Variants in PLCE1 observed in about 807,000 individuals in gnomAD.
PLCE1 encodes the protein phospholipase C epsilon 1, also known as 1-phosphatidylinositol 4,5-bisphosphate phosphodiesterase epsilon-1.
PLCE1 carries 119 observed loss-of-function variants against 242.8 expected under a neutral mutation model. The ratio of observed to expected loss-of-function variants is 0.49; its 90% CI spans 0.42 to 0.57. The LOEUF (loss-of-function observed/expected upper bound fraction) is 0.57. PLCE1 is among the 20% of genes least tolerant of loss of function. The pLI is 0.00. For missense variants in PLCE1, 2,441 were observed against 2,788.8 expected (o/e 0.88, Z 2.81); for synonymous variants, 945 against 1,017.4 (o/e 0.93, Z 1.35).
At chr10:94,120,509 A>G (rs1421817673) in intron 2 of PLCE1, among the ~76,000 whole-genome samples, 4 of 152,104 alleles carry the variant, frequency 2.6e-5, no homozygotes, top group East Asian at 3.9e-4. Context: ...GAATGTCCCT[A>G]GCTCCTCTCT....
At chr10:94,161,381 T>C (rs967447877) in intron 3 of PLCE1, among the ~76,000 whole-genome samples, 27 of 152,296 alleles carry the variant, frequency 1.8e-4, no homozygotes, top group African/African-American at 6.5e-4. Context: ...TCACATCCCT[T>C]GTAAGTTGGA....
At chr10:94,122,634 A>G (rs2046331054) in intron 2 of PLCE1, among the ~76,000 whole-genome samples, 1 of 152,138 alleles carries the variant, frequency 6.6e-6, no homozygotes, top group African/African-American at 2.4e-5. Flanking sequence ...AGAGATGAAT[A>G]GGCCCTAGAC....
At chr10:94,049,379 G>A (rs1011134138) in intron 2 of PLCE1, among the ~76,000 whole-genome samples, 1 of 152,062 alleles carries the variant, frequency 6.6e-6, no homozygotes, top group African/African-American at 2.4e-5. Context: ...GTCATTTTCT[G>A]TGTCAATATT....
chr10:94,198,642 T>C (rs897559237), intron 4 of PLCE1, among the ~76,000 whole-genome samples: 2 of 152,228 alleles, frequency 1.3e-5, no homozygotes, highest in Non-Finnish European at 2.9e-5. Flanking sequence ...CTCAAACCTC[T>C]GGGATCTGAT....
chr10:93,995,082 C>T (rs1220963455), intron 1 of PLCE1, among the ~76,000 whole-genome samples: 1 of 152,166 alleles, frequency 6.6e-6, no homozygotes, highest in African/African-American at 2.4e-5. Flanking sequence ...AGGGCCGCTG[C>T]CACAGAATGG....
At chr10:94,237,498 C>T (rs548655738) in intron 7 of PLCE1, among the ~76,000 whole-genome samples, 6 of 152,194 alleles carry the variant, frequency 3.9e-5, no homozygotes, top group Non-Finnish European at 8.8e-5. Context: ...CATTTTATCA[C>T]GTACATCCTA....
rs373001036 is a variant in PLCE1 at position 94,273,696 on chromosome 10, G to T, written c.4641G>T (p.Thr1547=). The T allele has an allele frequency of 1.2e-5, 19 of 1,613,920 alleles. No individual in the cohort carries two copies. Among genetic ancestry groups the T allele is most frequent in the Non-Finnish European group, 1.6e-5 (19 of 1,179,892 alleles). ...ACAAGAAGCTAAAAGCCCATCAGAC[G>T]CCAGTGGATATCTTAAAGCAAAAGG... ...LKNKKLKAHQ[T]PVDILKQKAH... Residue 1547 remains threonine, a synonymous_variant, in exon 19 of 33, where the codon ACG becomes ACT. Transcript: ENST00000371380.
Position 94,254,216 on chromosome 10 carries a change from T to A in PLCE1, c.3306T>A (p.Asp1102Glu). Residue 1102 changes from aspartate to glutamate, a missense_variant, in exon 10 of 33, where the codon GAT (aspartate) becomes GAA (glutamate). Asp to Glu is a conservative substitution (Grantham distance 45). This residue lies in a region of PLCE1 where 1,004 missense variants were observed against 1,322.7 expected (regional missense o/e 0.76). Coordinates refer to ENST00000371380, the MANE Select transcript of PLCE1 (RefSeq NM_016341.4). ...MRGESGEVTD[D>E]EMATRKAKMH... The stretch of plus-strand genomic sequence containing the variant: ...GTGAGAGTGGAGAGGTAACTGACGA[T>A]GAGATGGCAACCCGAAAGGCCAAGA... The A allele has an allele frequency of 6.2e-7, 1 of 1,613,874 alleles. No individual in the cohort carries two copies. The highest frequency in any genetic ancestry group is 8.5e-7 in the Non-Finnish European group (1 of 1,179,870).
chr10:94,110,273 A>G (rs2045913409), intron 2 of PLCE1, among the ~76,000 whole-genome samples: 1 of 151,814 alleles, frequency 6.6e-6, no homozygotes, highest in South Asian at 2.1e-4. Flanking sequence ...CGTGTTAGCC[A>G]GGATGGTCTC....
chr10:94,007,575 C>CTTTTTTTTT (rs57779697), intron 1 of PLCE1, among the ~76,000 whole-genome samples: 2 of 107,268 alleles, frequency 1.9e-5, no homozygotes, highest in African/African-American at 3.7e-5. Context: ...TTCTCTCTCT[C>CTTTTTTTTT]TTTTTTTTTT....
chr10:94,236,828 C>T (rs748886299), intron 7 of PLCE1, among the ~76,000 whole-genome samples: 20 of 152,170 alleles, frequency 1.3e-4, no homozygotes, highest in Non-Finnish European at 2.8e-4. Context: ...CAGAAAGCCT[C>T]TCAGAGCCAT....
intron 22 of PLCE1, chr10:94,287,200 A>G (rs2052480581): frequency 7.1e-6 from 1 of 140,674 alleles, no homozygotes; most frequent in African/African-American, 2.6e-5. Flanking sequence ...CTTCATAGGT[A>G]TAGTGTATTT....
At chr10:94,138,305 A>T (rs2046849063) in intron 3 of PLCE1, 1 of 351,632 alleles carries the variant, frequency 2.8e-6, no homozygotes, top group Admixed American at 3.4e-5. Context: ...CGGTGATGGC[A>T]TGGAAGAGGC....
At chr10:94,228,008 C>T (rs1207009118) in intron 5 of PLCE1, among the ~76,000 whole-genome samples, 3 of 152,176 alleles carry the variant, frequency 2.0e-5, no homozygotes, top group African/African-American at 7.2e-5. Context: ...TTCTTATTCC[C>T]ACATTATACA....
intron 22 of PLCE1, among the ~76,000 whole-genome samples, chr10:94,286,202 A>G (rs1184036223): frequency 6.6e-6 from 1 of 152,196 alleles, no homozygotes; most frequent in Non-Finnish European, 1.5e-5. Context: ...GGATTTATAG[A>G]CTTGGCCTGG....
chr10:94,089,174 A>G, intron 2 of PLCE1: 3 of 1,614,018 alleles, frequency 1.9e-6, no homozygotes, highest in South Asian at 1.1e-5. Context: ...AGATTCTGCA[A>G]AGGGATTAAG....
chr10:94,050,168 T>C (rs1178470150), intron 2 of PLCE1, among the ~76,000 whole-genome samples: 2 of 152,136 alleles, frequency 1.3e-5, no homozygotes, highest in Non-Finnish European at 2.9e-5. Flanking sequence ...GCTATAAATA[T>C]ACTACTGGAG....
intron 2 of PLCE1, among the ~76,000 whole-genome samples, chr10:94,054,588 G>A (rs146402566): frequency 1.3e-5 from 2 of 152,258 alleles, no homozygotes; most frequent in African/African-American, 2.4e-5. Flanking sequence ...GAGAGTTCAG[G>A]GTTTATCTCT....
chr10:94,271,459 C>T (rs567609775), intron 18 of PLCE1, among the ~76,000 whole-genome samples: 128 of 151,746 alleles, frequency 8.4e-4, no homozygotes, highest in African/African-American at 2.8e-3. Flanking sequence ...GGACTACAGG[C>T]GCCCACCACC....
Sources: allele counts gnomAD v4.1 joint callset (sites outside exome capture counted in the v4.1 genomes callset), GRCh38; gene constraint gnomAD v4.1.1; regional missense constraint gnomAD v4.1.1; transcripts MANE v1.5; gene names NCBI Gene and HGNC (gene_info 2026-07-23, HGNC 2026-07-21).